Variants in STK24 observed in about 807,000 individuals in gnomAD.
STK24 encodes the protein serine/threonine-protein kinase 24.
A neutral mutation model predicts 55.6 loss-of-function variants in STK24; 21 were observed. The ratio of observed to expected loss-of-function variants is 0.38; its 90% CI spans 0.27 to 0.54. The LOEUF (loss-of-function observed/expected upper bound fraction) is 0.54. STK24 is among the 20% of genes least tolerant of loss of function. The pLI is 0.79. For missense variants in STK24, 383 were observed against 538.4 expected, an observed-to-expected ratio of 0.71 and a Z score of 2.86; for synonymous variants, 200 against 215.2, an observed-to-expected ratio of 0.93 and a Z score of 0.62.
At chr13:98,510,856 T>C (rs981770673) in intron 2 of STK24, among the ~76,000 whole-genome samples, 1 of 152,236 alleles carries the variant, frequency 6.6e-6, no homozygotes, top group African/African-American at 2.4e-5. Context: ...CCAGAAACTC[T>C]TGAATTGTAT....
intron 1 of STK24, among the ~76,000 whole-genome samples, chr13:98,562,406 C>T (rs983246349): frequency 6.6e-6 from 1 of 152,148 alleles, no homozygotes; most frequent in African/African-American, 2.4e-5. Context: ...AGCCGATAAG[C>T]AACTGGCTGT....
At chr13:98,456,471 G>C (rs775007064) in intron 10 of STK24, 9 of 509,294 alleles carry the variant, frequency 1.8e-5, no homozygotes, top group South Asian at 6.0e-5. Flanking sequence ...AGGTCACACA[G>C]AGCGGCTTCC....
intron 2 of STK24, among the ~76,000 whole-genome samples, chr13:98,493,786 A>C (rs983830334): frequency 6.6e-6 from 1 of 152,110 alleles, no homozygotes; most frequent in Non-Finnish European, 1.5e-5. Flanking sequence ...AGACCAAGTC[A>C]GAAAGTATGT....
At chr13:98,550,580 C>T (rs1353438002) in intron 1 of STK24, among the ~76,000 whole-genome samples, 1 of 152,188 alleles carries the variant, frequency 6.6e-6, no homozygotes, top group Non-Finnish European at 1.5e-5. Context: ...GTTTTGTCTT[C>T]TCTCTCTAAA....
chr13:98,460,480 A>G (rs1893657388), intron 8 of STK24, 40 bp from the exon 9 acceptor site: 1 of 1,564,070 alleles, frequency 6.4e-7, no homozygotes, highest in Non-Finnish European at 8.8e-7. Context: ...GAAACAGTTG[A>G]CGTTCACATT....
intron 9 of STK24, among the ~76,000 whole-genome samples, chr13:98,458,472 C>T (rs911156241): frequency 6.6e-6 from 1 of 152,206 alleles, no homozygotes; most frequent in African/African-American, 2.4e-5. Context: ...CAGGCAGGAA[C>T]TAGAAGGGTC....
chr13:98,453,013 T>C lies in STK24; in HGVS notation c.*160A>G. On this transcript the variant is annotated 3_prime_UTR_variant, in exon 11 of 11. Coordinates refer to ENST00000539966, the MANE Select transcript of STK24 (RefSeq NM_001032296.4). ...GAGACTTCATCTGGCTGCAGCACAG[T>C]GAAGACTGTGTGTGTCCCTGGACGG... The C allele has an allele frequency of 1.5e-6, 1 of 684,940 alleles. No individual in the cohort carries two copies. The highest frequency in any genetic ancestry group is 3.0e-5 in the Admixed American group (1 of 33,712). 42.4% of individuals were successfully genotyped at this position (684,940 alleles called of 1,614,324 possible).
chr13:98,574,979 G>T (rs770605832), intron 1 of STK24, among the ~76,000 whole-genome samples: 1 of 152,124 alleles, frequency 6.6e-6, no homozygotes, highest in Non-Finnish European at 1.5e-5. Context: ...ATCCACAAAG[G>T]CCAATTAACC....
At chr13:98,573,359 C>CA (rs1272994456) in intron 1 of STK24, among the ~76,000 whole-genome samples, 10 of 152,214 alleles carry the variant, frequency 6.6e-5, no homozygotes, top group Non-Finnish European at 1.3e-4. Context: ...CTTTTAATCT[C>CA]AATTGAGTGA....
intron 2 of STK24, among the ~76,000 whole-genome samples, chr13:98,516,434 C>A (rs1214885519): frequency 6.6e-6 from 1 of 152,218 alleles, no homozygotes; most frequent in Non-Finnish European, 1.5e-5. Flanking sequence ...ATTCCACTTC[C>A]TACAGAGATG....
At chr13:98,516,910 C>G (rs1175569056) in intron 2 of STK24, among the ~76,000 whole-genome samples, 3 of 152,196 alleles carry the variant, frequency 2.0e-5, no homozygotes, top group Admixed American at 1.3e-4. Context: ...GATCTGAAAC[C>G]TAACGTTCTA....
At position 98,535,370 on chromosome 13, in the gene STK24, AATAT is replaced by A. The variant is rs71111959; in HGVS notation, c.43-15901_43-15898del. 4.9e-3 allele frequency among the ~76,000 whole-genome samples: 273 copies of A among 55,942 alleles called. 3 individuals carry two copies. Among genetic ancestry groups the A allele is most frequent in the Non-Finnish European group, 9.5e-3 (169 of 17,860 alleles). 36.7% of individuals were successfully genotyped at this position (55,942 alleles called of 152,430 possible). ...CAAACAAACAAACAAACAAAAAAAA[AATAT>A]ATATATATATATATATGTGTGTATA... On this transcript the variant is annotated intron_variant, in intron 1 of 10. Transcript: ENST00000539966.
In STK24 at chr13:98,508,242, T is replaced by C. The variant is rs560393564; in HGVS notation, c.273+11001A>G. 3.9e-5 allele frequency among the ~76,000 whole-genome samples: 6 copies of C among 152,264 alleles called. No homozygotes were observed. In the South Asian group the frequency reaches 6.2e-4, roughly 16 times the overall value. On this transcript the variant is annotated intron_variant, in intron 2 of 10. Transcript: ENST00000539966. ...TACAGGATCCCAAAAGCAGAAATCATATAAGGTGAAAAACTGATGGATTAA... is the reference window on the plus strand; with the variant it reads ...TACAGGATCCCAAAAGCAGAAATCACATAAGGTGAAAAACTGATGGATTAA...
At chr13:98,506,061 A>G (rs1289822175) in intron 2 of STK24, among the ~76,000 whole-genome samples, 1 of 152,228 alleles carries the variant, frequency 6.6e-6, no homozygotes, top group African/African-American at 2.4e-5. Flanking sequence ...AAATTAATTT[A>G]CTTCTCTAAA....
intron 2 of STK24, among the ~76,000 whole-genome samples, chr13:98,495,322 T>C (rs879529794): frequency 6.6e-6 from 1 of 152,202 alleles, no homozygotes. Flanking sequence ...TCATGCCACA[T>C]TGTAGAAATT....
At chr13:98,540,706 A>T (rs1896861674) in intron 1 of STK24, among the ~76,000 whole-genome samples, 1 of 148,820 alleles carries the variant, frequency 6.7e-6, no homozygotes, top group South Asian at 2.2e-4. Context: ...AGTCTCTCTC[A>T]CACAGGCCTC....
chr13:98,562,459 C>T (rs1398767831), intron 1 of STK24, among the ~76,000 whole-genome samples: 2 of 152,130 alleles, frequency 1.3e-5, no homozygotes, highest in Non-Finnish European at 2.9e-5. Context: ...AGTCCTCCAG[C>T]AGAAAGGAAC....
intron 1 of STK24, among the ~76,000 whole-genome samples, chr13:98,564,371 C>T (rs1897512048): frequency 6.6e-6 from 1 of 152,216 alleles, no homozygotes; most frequent in Admixed American, 6.5e-5. Context: ...GGGGGCTTCC[C>T]CTTACGAGGG....
intron 1 of STK24, among the ~76,000 whole-genome samples, chr13:98,571,107 C>T (rs1182449866): frequency 1.3e-5 from 2 of 152,260 alleles, no homozygotes; most frequent in South Asian, 2.1e-4. Flanking sequence ...CTAAGGGGCC[C>T]GTTTCTCAGG....
Sources: allele counts gnomAD v4.1 joint callset (sites outside exome capture counted in the v4.1 genomes callset), GRCh38; gene constraint gnomAD v4.1.1; transcripts MANE v1.5; gene names NCBI Gene and HGNC (gene_info 2026-07-23, HGNC 2026-07-21).